INO80: variants seen among roughly 807,000 people sequenced by gnomAD.
INO80 encodes INO80 complex ATPase subunit.
In INO80, 20 loss-of-function variants were observed where a neutral mutation model predicts 203.4. That is an observed-to-expected ratio of 0.10 (90% CI 0.07 to 0.14). The LOEUF (loss-of-function observed/expected upper bound fraction) is 0.14, where lower values mean the gene tolerates loss of function less well. INO80 is among the 10% of genes least tolerant of loss of function. The pLI is 1.00. For missense variants in INO80, 1,419 were observed against 1,914.4 expected, an observed-to-expected ratio of 0.74 and a Z score of 4.83; for synonymous variants, 726 against 685.2, an observed-to-expected ratio of 1.06 and a Z score of -0.93.
chr15:41,005,243 G>T, intron 28 of INO80: 2 of 166,528 alleles, frequency 1.2e-5, no homozygotes, highest in Non-Finnish European at 2.5e-5. Context: ...TGTAAGCAAT[G>T]AGGAATACAG....
Position 40,982,880 on chromosome 15 carries a change from C to A in INO80, c.4435G>T (p.Gly1479Trp), listed in dbSNP as rs1893882555. 4 of 1,613,188 alleles carry A rather than the reference C, an allele frequency of 2.5e-6. No homozygotes were observed. The highest frequency in any genetic ancestry group is 2.2e-5 in the East Asian group (1 of 44,898). Residue 1479 changes from glycine to tryptophan, a missense_variant, in exon 35 of 36, where the codon GGG (glycine) becomes TGG (tryptophan). Gly to Trp is a radical substitution (Grantham distance 184). This residue lies in a region of INO80 where 112 missense variants were observed against 106.2 expected (regional missense o/e 1.05). Transcript: ENST00000648947. ...TCTGTACCTTTAGACACGTTGTACCCGTATGCGGCATAGGCAGCTGCAGAG... is the reference window on the plus strand; with the variant it reads ...TCTGTACCTTTAGACACGTTGTACCAGTATGCGGCATAGGCAGCTGCAGAG... ...AASAAAYAAY[G>W]YNVSKGISAS...
intron 14 of INO80, among the ~76,000 whole-genome samples, chr15:41,061,131 ACT>A (rs1028214393): frequency 2.0e-5 from 3 of 151,798 alleles, no homozygotes; most frequent in Non-Finnish European, 2.9e-5. Flanking sequence ...ACATGGTGAA[ACT>A]CTCTCTCTAC....
At position 40,980,347 on chromosome 15, in the gene INO80, G is replaced by A. The variant is rs1335441007; in HGVS notation, c.4547C>T (p.Ser1516Phe). Residue 1516 changes from serine to phenylalanine, a missense_variant, in exon 36 of 36, where the codon TCC becomes TTC. Physicochemically the swap from Ser to Phe is radical, Grantham distance 155. Coordinates refer to ENST00000648947, the MANE Select transcript of INO80 (RefSeq NM_017553.3). ...GPSSASSPLS[S>F]PLSKGNNVPG... ...AACATTATTTCCCTTGCTCAAAGGG[G>A]AACTCAAAGGAGAAGAGGCGCTTGA... 1 of 1,613,878 alleles carries A rather than the reference G, an allele frequency of 6.2e-7. No homozygotes were observed. Among genetic ancestry groups the A allele is most frequent in the African/African-American group, 1.3e-5 (1 of 75,052 alleles).
chr15:40,989,528 G>A (rs1020371440), intron 29 of INO80, among the ~76,000 whole-genome samples: 1 of 152,170 alleles, frequency 6.6e-6, no homozygotes. Context: ...CCTTTCTACT[G>A]TAACAATCCC....
At chr15:41,098,955 A>C (rs2045764599) in intron 1 of INO80, among the ~76,000 whole-genome samples, 1 of 152,010 alleles carries the variant, frequency 6.6e-6, no homozygotes, top group African/African-American at 2.4e-5. Flanking sequence ...TAGAATAATA[A>C]AAAAGACAGG....
At chr15:41,048,406 C>A in intron 21 of INO80, 130 bp from the exon 22 acceptor site, 2 of 653,832 alleles carry the variant, frequency 3.1e-6, no homozygotes, top group Non-Finnish European at 5.4e-6. Context: ...AGTTTCTTGC[C>A]ATATTACCAG....
At chr15:41,057,106 G>A (rs758378676) in intron 16 of INO80, among the ~76,000 whole-genome samples, 11 of 152,166 alleles carry the variant, frequency 7.2e-5, no homozygotes, top group Non-Finnish European at 1.5e-4. Context: ...GAGCAGTTAT[G>A]AGGAGTGTTG....
intron 28 of INO80, among the ~76,000 whole-genome samples, chr15:41,002,347 G>A (rs1331142676): frequency 6.6e-6 from 1 of 152,152 alleles, no homozygotes; most frequent in East Asian, 1.9e-4. Flanking sequence ...CAAAATCATT[G>A]TGCACTACTA....
chr15:41,023,990 T>C (rs2044338550), intron 25 of INO80, among the ~76,000 whole-genome samples: 1 of 152,142 alleles, frequency 6.6e-6, no homozygotes, highest in Non-Finnish European at 1.5e-5. Flanking sequence ...AATCTCAGCA[T>C]GAAAGAACAG....
At chr15:41,063,831 T>A (rs1047637463) in intron 14 of INO80, among the ~76,000 whole-genome samples, 1 of 151,910 alleles carries the variant, frequency 6.6e-6, no homozygotes, top group African/African-American at 2.4e-5. Context: ...AAAAAAGCCA[T>A]GTAAAAATTA....
chr15:40,990,379 G>A (rs1224507139), intron 29 of INO80, among the ~76,000 whole-genome samples: 3 of 152,034 alleles, frequency 2.0e-5, no homozygotes, highest in Admixed American at 6.6e-5. Context: ...TTTCTTTTCT[G>A]AGACAGGGTC....
At chr15:40,996,208 T>G (rs2043878929) in intron 29 of INO80, among the ~76,000 whole-genome samples, 1 of 152,224 alleles carries the variant, frequency 6.6e-6, no homozygotes, top group Non-Finnish European at 1.5e-5. Context: ...TAAGTGCCAT[T>G]TTTAGAGTCA....
At chr15:40,981,208 C>T (rs1472626072) in intron 35 of INO80, among the ~76,000 whole-genome samples, 1 of 152,154 alleles carries the variant, frequency 6.6e-6, no homozygotes, top group African/African-American at 2.4e-5. Context: ...CTCTGAACCA[C>T]TCCTTTCCCT....
intron 14 of INO80, 65 bp downstream of exon 14, chr15:41,069,505 A>C (rs1419379116): frequency 1.0e-6 from 1 of 967,296 alleles, no homozygotes; most frequent in Non-Finnish European, 1.6e-6. Context: ...TAGTAGGGCA[A>C]GAAAAGGAGA....
At chr15:41,048,148 C>T (rs1473925696) in intron 22 of INO80, 64 bp downstream of exon 22, 1 of 1,270,062 alleles carries the variant, frequency 7.9e-7, no homozygotes, top group South Asian at 1.2e-5. Context: ...AGTCTCTCAG[C>T]AAAACAAAGA....
At position 41,015,816 on chromosome 15, in the gene INO80, G is replaced by A. The variant is rs1386895410; in HGVS notation, c.3402+272C>T. Among the ~76,000 whole-genome samples the A allele has an allele frequency of 9.5e-5, 14 of 148,008 alleles. No homozygotes were observed. The East Asian group carries it at 2.7e-3, about 29-fold the overall frequency. ...AAAAAAAAGAGCTGAGTGTGGTGGTGCACGCCTGTAATCCCAGCTACTCGG... is the reference window on the plus strand; with the variant it reads ...AAAAAAAAGAGCTGAGTGTGGTGGTACACGCCTGTAATCCCAGCTACTCGG... On this transcript the variant is annotated intron_variant, in intron 27 of 35. Coordinates refer to ENST00000648947, the MANE Select transcript of INO80 (RefSeq NM_017553.3).
intron 27 of INO80, among the ~76,000 whole-genome samples, chr15:41,015,734 A>T (rs2044193459): frequency 6.7e-6 from 1 of 148,926 alleles, no homozygotes; most frequent in Non-Finnish European, 1.5e-5. Context: ...CCAGGAGTTC[A>T]AGACCAGCCT....
chr15:40,994,533 T>G (rs1197186700), intron 29 of INO80, among the ~76,000 whole-genome samples: 1 of 151,306 alleles, frequency 6.6e-6, no homozygotes, highest in Non-Finnish European at 1.5e-5. Flanking sequence ...TCAGCTAAAT[T>G]TTTTTGTATT....
At chr15:40,983,196 A>C (rs1479821560) in intron 34 of INO80, 119 bp from the exon 35 acceptor site, 1 of 719,460 alleles carries the variant, frequency 1.4e-6, no homozygotes, top group Non-Finnish European at 2.3e-6. Context: ...TTTAGGACCC[A>C]TGAGGAGGTC....
Sources: gnomAD v4.1 joint callset for allele counts (sites outside exome capture counted in the v4.1 genomes callset) on GRCh38, gnomAD v4.1.1 for gene constraint, gnomAD v4.1.1 regional missense constraint, MANE v1.5 for transcripts, NCBI Gene and HGNC (gene_info 2026-07-23, HGNC 2026-07-21) for gene names.